The following NEURL1 variants were observed in gnomAD, a reference collection of about 807,000 sequenced individuals.
The protein encoded by NEURL1 is neuralized E3 ubiquitin protein ligase 1.
Under a neutral mutation model 41.2 loss-of-function variants are expected in NEURL1, and 26 were observed. The ratio of observed to expected loss-of-function variants is 0.63; its 90% CI spans 0.46 to 0.87. The LOEUF is 0.87. Ranked by LOEUF, NEURL1 falls within the 40% of genes least tolerant of loss-of-function variation. NEURL1 has a pLI of 0.00. For synonymous variants in NEURL1, 400 were observed against 402.3 expected (o/e 0.99, Z 0.07); for missense variants, 761 against 871.1 (o/e 0.87, Z 1.59).
At chr10:103,550,510 A>C (rs2035012300) in intron 1 of NEURL1, 2 of 152,244 alleles carry the variant, frequency 1.3e-5, no homozygotes, top group African/African-American at 4.8e-5. Flanking sequence ...TGTTCTTCAC[A>C]ATTTCCAGGA....
chr10:103,511,166 A>C (rs2034060482), intron 1 of NEURL1, among the ~76,000 whole-genome samples: 1 of 152,220 alleles, frequency 6.6e-6, no homozygotes, highest in Non-Finnish European at 1.5e-5. Flanking sequence ...CTCTGAAAGG[A>C]CATCTTTGGG....
In NEURL1 at chr10:103,556,573, C is replaced by G. The variant is rs1476605600; in HGVS notation, c.86-14299C>G. Among the ~76,000 whole-genome samples, 1 of 152,122 alleles carries G rather than the reference C, an allele frequency of 6.6e-6. No homozygotes were observed. On this transcript the variant is annotated intron_variant, in intron 1 of 5. Coordinates refer to ENST00000369780, the MANE Select transcript of NEURL1 (RefSeq NM_004210.5). This position sits in a 1 kb window ranked among gnomAD's most constrained non-coding sequence, Gnocchi z 4.4. ...GACCAGGTGGCTTCTCCCTTCCAGGCTCTGGACTTTGGGAGAGTAATTTCT... is the reference window on the plus strand; with the variant it reads ...GACCAGGTGGCTTCTCCCTTCCAGGGTCTGGACTTTGGGAGAGTAATTTCT...
chr10:103,536,628 A>G (rs2034699753), intron 1 of NEURL1, among the ~76,000 whole-genome samples: 1 of 152,036 alleles, frequency 6.6e-6, no homozygotes, highest in African/African-American at 2.4e-5. Flanking sequence ...GATGGGGAGG[A>G]GCACTAGCGG....
intron 1 of NEURL1, among the ~76,000 whole-genome samples, chr10:103,534,504 A>G (rs1270464100): frequency 6.6e-6 from 1 of 152,148 alleles, no homozygotes; most frequent in African/African-American, 2.4e-5. Flanking sequence ...TATAGTCTCT[A>G]TGCAGCTTCT....
chr10:103,566,186 C>T lies in NEURL1; in HGVS notation c.86-4686C>T, dbSNP rs2035420330. ...CTCACTGCAATCTCAAATTCCTGGG[C>T]TCAAGCCATCCTTGCGCTTCAGCCT... On this transcript the variant is annotated intron_variant, in intron 1 of 5. Coordinates refer to ENST00000369780, the MANE Select transcript of NEURL1 (RefSeq NM_004210.5). The surrounding 1 kb of genome is among the most constrained non-coding windows in gnomAD (Gnocchi z 4.2). Among the ~76,000 whole-genome samples, 2 of 152,024 alleles carry T rather than the reference C, an allele frequency of 1.3e-5. No homozygotes were observed. Among genetic ancestry groups the T allele is most frequent in the Non-Finnish European group, 2.9e-5 (2 of 67,996 alleles).
intron 4 of NEURL1, among the ~76,000 whole-genome samples, chr10:103,586,701 G>T (rs2035931557): frequency 6.6e-6 from 1 of 152,142 alleles, no homozygotes; most frequent in Non-Finnish European, 1.5e-5. Flanking sequence ...AAACATTGGG[G>T]ACTTCCACCT....
intron 1 of NEURL1, among the ~76,000 whole-genome samples, chr10:103,532,958 G>A (rs186754562): frequency 1.9e-5 from 2 of 105,438 alleles, no homozygotes; most frequent in Admixed American, 1.5e-4. Flanking sequence ...ATGGAGTCTT[G>A]CTCTGTCACC....
chr10:103,552,834 G>C (rs1234336466), intron 1 of NEURL1, among the ~76,000 whole-genome samples: 1 of 150,912 alleles, frequency 6.6e-6, no homozygotes, highest in African/African-American at 2.5e-5. Context: ...GGACCGAGTA[G>C]GGTAAGTGTT....
rs757748373 is a variant in NEURL1 at position 103,571,591 on chromosome 10, A to G, written c.418A>G (p.Lys140Glu). The G allele has an allele frequency of 1.2e-6, 2 of 1,613,828 alleles. No homozygotes were observed. Among genetic ancestry groups the G allele is most frequent in the African/African-American group, 2.7e-5 (2 of 74,920 alleles). ...PSRIHPDSLP[K>E]YACPDLVSQS... ...CCGCATCCACCCTGACTCGCTGCCCAAGTACGCCTGCCCCGACCTGGTGTC... is the reference window on the plus strand; with the variant it reads ...CCGCATCCACCCTGACTCGCTGCCCGAGTACGCCTGCCCCGACCTGGTGTC... Residue 140 changes from lysine to glutamate, a missense_variant, in exon 3 of 6, where the codon AAG becomes GAG. Lys to Glu is a moderately conservative substitution (Grantham distance 56). Around this residue, in one of 5 missense-constraint regions of NEURL1, gnomAD observed 65 missense variants for 131.6 expected, o/e 0.49. Coordinates refer to ENST00000369780, the MANE Select transcript of NEURL1 (RefSeq NM_004210.5).
chr10:103,587,901 G>A (rs2035955172), intron 4 of NEURL1, among the ~76,000 whole-genome samples: 1 of 152,190 alleles, frequency 6.6e-6, no homozygotes, highest in Non-Finnish European at 1.5e-5. Flanking sequence ...ACAACTAAAT[G>A]AATTAGAATA....
intron 1 of NEURL1, chr10:103,494,844 C>T (rs1469418876): frequency 4.1e-6 from 1 of 244,160 alleles, no homozygotes; most frequent in African/African-American, 2.3e-5. Context: ...GGTCTCCTTT[C>T]CATCGGCCCT....
rs1018614834 is a variant in NEURL1, at chr10:103,554,253, T to C, written c.86-16619T>C. Among the ~76,000 whole-genome samples the C allele has an allele frequency of 2.6e-5, 4 of 152,346 alleles. No homozygotes were observed. The South Asian group carries it at 8.3e-4, about 32-fold the overall frequency. On this transcript the variant is annotated intron_variant, in intron 1 of 5. Transcript: ENST00000369780. The stretch of plus-strand genomic sequence containing the variant: ...TGGGGTGCCAGTGTCCACCTTAAGA[T>C]TTCTCTAGAAACTTTGCGAGTCTGT...
rs112773164 is a variant in NEURL1, at chr10:103,562,442, A to T, written c.86-8430A>T. Among the ~76,000 whole-genome samples, 1,283 of 152,338 alleles carry T rather than the reference A, an allele frequency of 8.4e-3. 9 individuals carry two copies. Among genetic ancestry groups the T allele is most frequent in the Non-Finnish European group, 0.013 (871 of 68,024 alleles). The stretch of plus-strand genomic sequence containing the variant: ...TCTGCCCTAGGGAGGCTCACAGTCC[A>T]TCAGGGGGAAAGACAGGCACAAATA... On this transcript the variant is annotated intron_variant, in intron 1 of 5. Transcript: ENST00000369780.
At chr10:103,551,029 T>C (rs2035021896) in intron 1 of NEURL1, 1 of 152,170 alleles carries the variant, frequency 6.6e-6, no homozygotes, top group African/African-American at 2.4e-5. Flanking sequence ...AAAGTGCGGC[T>C]ATAGAATGGA....
intron 1 of NEURL1, among the ~76,000 whole-genome samples, chr10:103,520,423 A>G (rs928852398): frequency 2.0e-4 from 30 of 152,260 alleles, no homozygotes; most frequent in African/African-American, 7.0e-4. Flanking sequence ...CAAGGTGCTC[A>G]GTGGGGGAGC....
rs1173302050 is a variant in NEURL1 at position 103,586,352 on chromosome 10, C to T, written c.1339+1127C>T. ...CAGCTCTGTGAGACTGAGCTGGTTT[C>T]GTTAGATTTACCTGGAGGACCTATT... is the stretch of plus-strand genomic sequence containing the variant. On this transcript the variant is annotated intron_variant, in intron 4 of 5. Transcript: ENST00000369780. Among the ~76,000 whole-genome samples the T allele has an allele frequency of 4.6e-5, 7 of 152,186 alleles. No individual in the cohort carries two copies. The East Asian group carries it at 7.7e-4, about 17-fold the overall frequency.
chr10:103,509,511 G>C (rs989942045), intron 1 of NEURL1, among the ~76,000 whole-genome samples: 6 of 152,112 alleles, frequency 3.9e-5, no homozygotes, highest in African/African-American at 1.2e-4. Context: ...CCATAGAAAA[G>C]GTAACATAAT....
chr10:103,574,877 C>T (rs955974666), intron 3 of NEURL1, among the ~76,000 whole-genome samples: 16 of 152,174 alleles, frequency 1.1e-4, no homozygotes, highest in African/African-American at 3.4e-4. Flanking sequence ...AAGGCCCCAG[C>T]GGATTCCGTC....
At chr10:103,589,751 G>T in intron 5 of NEURL1, 91 bp downstream of exon 5, 1 of 1,500,808 alleles carries the variant, frequency 6.7e-7, no homozygotes. Context: ...GTGGAGAGGA[G>T]CTGGAGTTGG....
Sources: allele counts gnomAD v4.1 joint callset (sites outside exome capture counted in the v4.1 genomes callset), GRCh38; gene constraint gnomAD v4.1.1; regional missense constraint gnomAD v4.1.1; non-coding constraint Gnocchi (gnomAD v3.1); transcripts MANE v1.5; gene names NCBI Gene and HGNC (gene_info 2026-07-23, HGNC 2026-07-21).